The following RBM15 variants were observed in gnomAD, a reference collection of about 807,000 sequenced individuals.
The protein encoded by RBM15 is RNA-binding protein 15.
A neutral mutation model predicts 62.6 loss-of-function variants in RBM15; 8 were observed. That is an observed-to-expected ratio of 0.13 (90% CI 0.07 to 0.23). The LOEUF (loss-of-function observed/expected upper bound fraction) is 0.23. RBM15 is among the 10% of genes least tolerant of loss of function. RBM15 has a pLI of 1.00. For synonymous variants in RBM15, 606 were observed against 505.7 expected, an observed-to-expected ratio of 1.20 and a Z score of -2.66; for missense variants, 1,144 against 1,286.5, an observed-to-expected ratio of 0.89 and a Z score of 1.69.
At position 110,341,766 on chromosome 1, in the gene RBM15, C is replaced by G; in HGVS notation, c.2361C>G (p.Ala787=). 1 of 1,614,208 alleles carries G rather than the reference C, an allele frequency of 6.2e-7. No homozygotes were observed. Among genetic ancestry groups the G allele is most frequent in the Non-Finnish European group, 8.5e-7 (1 of 1,180,042 alleles). The change falls in exon 1 of 3, where the codon GCC becomes GCG. Residue 787 remains alanine, a synonymous_variant. Coordinates refer to ENST00000369784, the MANE Select transcript of RBM15 (RefSeq NM_022768.5). The surrounding 1 kb of genome is among the most constrained non-coding windows in gnomAD (Gnocchi z 4.5). The part of the protein sequence containing the change: ...VASASPKLCL[A]WQGMLLLKNS... Reference sequence around the variant, plus strand: ...CAGCCTCTCCCAAACTCTGTTTGGCCTGGCAGGGCATGCTTCTACTGAAGA... The same window carrying G: ...CAGCCTCTCCCAAACTCTGTTTGGCGTGGCAGGGCATGCTTCTACTGAAGA...
chr1:110,344,902 T>C (rs1278324870), intron 1 of RBM15, among the ~76,000 whole-genome samples: 1 of 152,216 alleles, frequency 6.6e-6, no homozygotes, highest in Non-Finnish European at 1.5e-5. Context: ...TAATGACTAT[T>C]AAGTATTATT....
In RBM15 at chr1:110,339,418, G is replaced by A; in HGVS notation, c.13G>A (p.Gly5Arg). Residue 5 changes from glycine (G) to arginine (R), a missense_variant, in exon 1 of 3, where the codon GGG (glycine) becomes AGG (arginine). Around this residue, in one of 8 missense-constraint regions of RBM15, gnomAD observed 298 missense variants for 250.0 expected, o/e 1.19. Transcript: ENST00000369784. Reference sequence around the variant, plus strand: ...GAGCAATTGGCCAATGAGGACTGCGGGGCGGGACCCTGTGCCGCGGCGGAG... The same window carrying A: ...GAGCAATTGGCCAATGAGGACTGCGAGGCGGGACCCTGTGCCGCGGCGGAG... MRTA[G>R]RDPVPRRSPR... The A allele has an allele frequency of 1.2e-5, 18 of 1,524,924 alleles. No individual in the cohort carries two copies. Among genetic ancestry groups the A allele is most frequent in the Non-Finnish European group, 1.3e-5 (15 of 1,135,214 alleles). 94.5% of individuals were successfully genotyped at this position (1,524,924 alleles called of 1,614,324 possible).
Position 110,342,192 on chromosome 1 carries a change from C to T in RBM15, c.2787C>T (p.Ser929=), listed in dbSNP as rs1393129574. 3 of 1,613,706 alleles carry T rather than the reference C, an allele frequency of 1.9e-6. No homozygotes were observed. The highest frequency in any genetic ancestry group is 2.5e-6 in the Non-Finnish European group (3 of 1,179,768). The change falls in exon 1 of 3, where the codon TCC becomes TCT. Residue 929 remains serine, a synonymous_variant. Coordinates refer to ENST00000369784, the MANE Select transcript of RBM15 (RefSeq NM_022768.5). ...ATGCCTTCCCACCTTGTGAGTTCTC[C>T]CAGCAGTTCCTGGATTCCCCTGCCA... is the stretch of plus-strand genomic sequence containing the variant. The part of the protein sequence containing the change: ...VLHAFPPCEF[S]QQFLDSPAKA...
chr1:110,341,381 G>A lies in RBM15; in HGVS notation c.1976G>A (p.Ser659Asn). The A allele has an allele frequency of 1.2e-6, 2 of 1,614,122 alleles. No individual in the cohort carries two copies. The highest frequency in any genetic ancestry group is 1.6e-4 in the Middle Eastern group (1 of 6,062). The change falls in exon 1 of 3, where the codon AGT (serine) becomes AAT (asparagine). Residue 659 changes from serine (S) to asparagine (N), a missense_variant. Ser to Asn is a conservative substitution (Grantham distance 46). Around this residue, in one of 8 missense-constraint regions of RBM15, gnomAD observed 360 missense variants for 342.9 expected, o/e 1.05. Coordinates refer to ENST00000369784, the MANE Select transcript of RBM15 (RefSeq NM_022768.5). The surrounding 1 kb of genome is among the most constrained non-coding windows in gnomAD (Gnocchi z 4.5). ...CGTCATCTGGATAGGTCTCCTGAGA[G>A]TGACCGCCCACGAAAACGTCACTGC... ...GGRHLDRSPE[S>N]DRPRKRHCAP...
At position 110,341,137 on chromosome 1, in the gene RBM15, A is replaced by G; in HGVS notation, c.1732A>G (p.Arg578Gly). The change falls in exon 1 of 3, where the codon AGG (arginine) becomes GGG (glycine). Residue 578 changes from arginine to glycine, a missense_variant. Physicochemically the swap from Arg to Gly is moderately radical, Grantham distance 125. Transcript: ENST00000369784. This position sits in a 1 kb window ranked among gnomAD's most constrained non-coding sequence, Gnocchi z 4.5. ...ACCCTTACTATACAGAGATCGTGAT[A>G]GGGACCTTTATCCTGACTCTGATTG... ...TPPLLYRDRD[R>G]DLYPDSDWVP... 6.2e-7 allele frequency: 1 copy of G among 1,614,092 alleles called. No individual in the cohort carries two copies. The highest frequency in any genetic ancestry group is 8.5e-7 in the Non-Finnish European group (1 of 1,179,964).
Position 110,341,296 on chromosome 1 carries a change from G to T in RBM15, c.1891G>T (p.Asp631Tyr), listed in dbSNP as rs757568755. ...CTTGGACCGGGACAGAGGTGATCGA[G>T]ATCTGCCCAGCAGCAGAGACCAGCC... ...WSLDRDRGDR[D>Y]LPSSRDQPRK... The change falls in exon 1 of 3, where the codon GAT (aspartate) becomes TAT (tyrosine). Residue 631 changes from aspartate (D) to tyrosine (Y), a missense_variant. Asp to Tyr is a radical substitution (Grantham distance 160, BLOSUM62 -3). Transcript: ENST00000369784. The surrounding 1 kb of genome is among the most constrained non-coding windows in gnomAD (Gnocchi z 4.5). The T allele has an allele frequency of 6.2e-7, 1 of 1,614,132 alleles. No homozygotes were observed. Among genetic ancestry groups the T allele is most frequent in the Admixed American group, 1.7e-5 (1 of 60,030 alleles).
intron 1 of RBM15, among the ~76,000 whole-genome samples, chr1:110,344,236 T>C (rs1570613260): frequency 6.6e-6 from 1 of 152,210 alleles, no homozygotes; most frequent in Non-Finnish European, 1.5e-5. Flanking sequence ...TGTGGCCAGC[T>C]ACATTTTTCC....
rs755314262 is a variant in RBM15, at chr1:110,342,133, G to A, written c.2728G>A (p.Gly910Ser). The A allele has an allele frequency of 1.2e-6, 2 of 1,614,088 alleles. No homozygotes were observed. The highest frequency in any genetic ancestry group is 1.7e-6 in the Non-Finnish European group (2 of 1,179,972). ...AAGVISLPVG[G>S]NKDKENTGVL... ...CGGGGTGATCAGCCTCCCTGTGGGGGGCAACAAAGACAAGGAAAACACCGG... is the reference window on the plus strand; with the variant it reads ...CGGGGTGATCAGCCTCCCTGTGGGGAGCAACAAAGACAAGGAAAACACCGG... Residue 910 changes from glycine (G) to serine (S), a missense_variant, in exon 1 of 3, where the codon GGC becomes AGC. Transcript: ENST00000369784.
At chr1:110,344,453 G>A (rs3768460) in intron 1 of RBM15, among the ~76,000 whole-genome samples, 83,839 of 151,792 alleles carry the variant, frequency 0.55, 23,149 homozygotes, top group Admixed American at 0.6. Flanking sequence ...GAAGAGTACT[G>A]TGTTTTTGCT....
Position 110,341,899 on chromosome 1 carries a change from A to G in RBM15, c.2494A>G (p.Thr832Ala). The change falls in exon 1 of 3, where the codon ACT becomes GCT. Residue 832 changes from threonine (T) to alanine (A), a missense_variant. Around this residue, in one of 8 missense-constraint regions of RBM15, gnomAD observed 144 missense variants for 223.3 expected, o/e 0.64. Coordinates refer to ENST00000369784, the MANE Select transcript of RBM15 (RefSeq NM_022768.5). The surrounding 1 kb of genome is among the most constrained non-coding windows in gnomAD (Gnocchi z 4.5). ...TGGKVAQLKI[T>A]QRLRLDQPKL... ...AGGCAAAGTGGCCCAGCTCAAGATC[A>G]CTCAGCGTCTCCGTTTGGACCAGCC... 2 of 1,614,168 alleles carry G rather than the reference A, an allele frequency of 1.2e-6. No individual in the cohort carries two copies. The highest frequency in any genetic ancestry group is 8.5e-7 in the Non-Finnish European group (1 of 1,180,036).
At position 110,340,518 on chromosome 1, in the gene RBM15, A is replaced by G. The variant is rs774927738; in HGVS notation, c.1113A>G (p.Arg371=). 1 of 1,613,992 alleles carries G rather than the reference A, an allele frequency of 6.2e-7. No individual in the cohort carries two copies. Among genetic ancestry groups the G allele is most frequent in the East Asian group, 2.2e-5 (1 of 44,858 alleles). ...AGATTTCACCCGAGGATGATCAGCG[A>G]GCTAACCGGACGCTCTTCTTGGGCA... is the stretch of plus-strand genomic sequence containing the variant. ...VDEISPEDDQ[R]ANRTLFLGNL... The change falls in exon 1 of 3, where the codon CGA becomes CGG. Residue 371 remains arginine, a synonymous_variant. Transcript: ENST00000369784. The surrounding 1 kb of genome is among the most constrained non-coding windows in gnomAD (Gnocchi z 5.8).
intron 1 of RBM15, among the ~76,000 whole-genome samples, chr1:110,343,763 A>G (rs768295990): frequency 1.6e-4 from 25 of 152,152 alleles, no homozygotes; most frequent in African/African-American, 5.6e-4. Flanking sequence ...TTTCTGTTCT[A>G]TGAAAGTGAC....
In RBM15 at chr1:110,340,656, C is replaced by G; in HGVS notation, c.1251C>G (p.Gly417=). 6.2e-7 allele frequency: 1 copy of G among 1,614,214 alleles called. No homozygotes were observed. The highest frequency in any genetic ancestry group is 1.1e-5 in the South Asian group (1 of 91,088). Reference sequence around the variant, plus strand: ...CTCGCGGCCAGACTAGTACTTACGGCTTTCTCAAATTTGAGAACTTAGATA... The same window carrying G: ...CTCGCGGCCAGACTAGTACTTACGGGTTTCTCAAATTTGAGAACTTAGATA... ...RPSRGQTSTY[G]FLKFENLDMS... Residue 417 remains glycine, a synonymous_variant, in exon 1 of 3, where the codon GGC becomes GGG. Transcript: ENST00000369784. The surrounding 1 kb of genome is among the most constrained non-coding windows in gnomAD (Gnocchi z 5.8).
In RBM15 at chr1:110,342,222, A is replaced by G. The variant is rs1457085163; in HGVS notation, c.2817A>G (p.Ala939=). Residue 939 remains alanine, a synonymous_variant, in exon 1 of 3, where the codon GCA becomes GCG. Transcript: ENST00000369784. The part of the protein sequence containing the change: ...SQQFLDSPAK[A]LAKSEEDYLV... Reference sequence around the variant, plus strand: ...AGTTCCTGGATTCCCCTGCCAAGGCACTGGCCAAATCTGAAGAAGATTACC... The same window carrying G: ...AGTTCCTGGATTCCCCTGCCAAGGCGCTGGCCAAATCTGAAGAAGATTACC... 1 of 1,610,438 alleles carries G rather than the reference A, an allele frequency of 6.2e-7. No individual in the cohort carries two copies. Among genetic ancestry groups the G allele is most frequent in the Non-Finnish European group, 8.5e-7 (1 of 1,178,034 alleles).
chr1:110,341,279 G>C lies in RBM15; in HGVS notation c.1874G>C (p.Arg625Pro), dbSNP rs776343915. 6 of 1,614,116 alleles carry C rather than the reference G, an allele frequency of 3.7e-6. No homozygotes were observed. Among genetic ancestry groups the C allele is most frequent in the Non-Finnish European group, 5.1e-6 (6 of 1,180,022 alleles). ...DRRRDGWSLDRDRGDRDLPSS... is the reference protein window; with the variant it reads ...DRRRDGWSLDPDRGDRDLPSS... ...AGGCGGGATGGTTGGTCCTTGGACC[G>C]GGACAGAGGTGATCGAGATCTGCCC... Residue 625 changes from arginine to proline, a missense_variant, in exon 1 of 3, where the codon CGG (arginine) becomes CCG (proline). Around this residue, in one of 8 missense-constraint regions of RBM15, gnomAD observed 360 missense variants for 342.9 expected, o/e 1.05. Coordinates refer to ENST00000369784, the MANE Select transcript of RBM15 (RefSeq NM_022768.5). The surrounding 1 kb of genome is among the most constrained non-coding windows in gnomAD (Gnocchi z 4.5).
chr1:110,341,324 G>C lies in RBM15; in HGVS notation c.1919G>C (p.Arg640Thr). 3.1e-6 allele frequency: 5 copies of C among 1,614,104 alleles called. No homozygotes were observed. Among genetic ancestry groups the C allele is most frequent in the Non-Finnish European group, 4.2e-6 (5 of 1,180,010 alleles). The change falls in exon 1 of 3, where the codon AGG becomes ACG. Residue 640 changes from arginine (R) to threonine (T), a missense_variant. Physicochemically the swap from Arg to Thr is moderately conservative, Grantham distance 71. This residue lies in a region of RBM15 where 360 missense variants were observed against 342.9 expected (regional missense o/e 1.05). Coordinates refer to ENST00000369784, the MANE Select transcript of RBM15 (RefSeq NM_022768.5). The surrounding 1 kb of genome is among the most constrained non-coding windows in gnomAD (Gnocchi z 4.5). ...CTGCCCAGCAGCAGAGACCAGCCTA[G>C]GAAGCGAAGGCTGCCTGAGGAGAGT... ...RDLPSSRDQP[R>T]KRRLPEESGG... is the part of the protein sequence containing the mutation.
At position 110,341,321 on chromosome 1, in the gene RBM15, C is replaced by G; in HGVS notation, c.1916C>G (p.Pro639Arg). Residue 639 changes from proline (P) to arginine (R), a missense_variant, in exon 1 of 3, where the codon CCT becomes CGT. Pro to Arg is a moderately radical substitution (Grantham distance 103). Transcript: ENST00000369784. This position sits in a 1 kb window ranked among gnomAD's most constrained non-coding sequence, Gnocchi z 4.5. ...DRDLPSSRDQ[P>R]RKRRLPEESG... ...GATCTGCCCAGCAGCAGAGACCAGCCTAGGAAGCGAAGGCTGCCTGAGGAG... is the reference window on the plus strand; with the variant it reads ...GATCTGCCCAGCAGCAGAGACCAGCGTAGGAAGCGAAGGCTGCCTGAGGAG... 1 of 1,614,132 alleles carries G rather than the reference C, an allele frequency of 6.2e-7. No homozygotes were observed. Among genetic ancestry groups the G allele is most frequent in the Non-Finnish European group, 8.5e-7 (1 of 1,180,016 alleles).
In RBM15 at chr1:110,340,999, C is replaced by G; in HGVS notation, c.1594C>G (p.Arg532Gly). Residue 532 changes from arginine to glycine, a missense_variant, in exon 1 of 3, where the codon CGT (arginine) becomes GGT (glycine). This residue lies in a region of RBM15 where 360 missense variants were observed against 342.9 expected (regional missense o/e 1.05). Coordinates refer to ENST00000369784, the MANE Select transcript of RBM15 (RefSeq NM_022768.5). The surrounding 1 kb of genome is among the most constrained non-coding windows in gnomAD (Gnocchi z 5.8). ...AGTAGACTTTGCCGACACCGAACAT[C>G]GTTACCAGCAGCAGTATCTGCAGCC... ...LRVDFADTEH[R>G]YQQQYLQPLP... 1.2e-6 allele frequency: 2 copies of G among 1,614,188 alleles called. No individual in the cohort carries two copies. Among genetic ancestry groups the G allele is most frequent in the Non-Finnish European group, 1.7e-6 (2 of 1,180,010 alleles).
At chr1:110,344,834 A>G (rs561127180) in intron 1 of RBM15, among the ~76,000 whole-genome samples, 1 of 152,130 alleles carries the variant, frequency 6.6e-6, no homozygotes, top group African/African-American at 2.4e-5. Flanking sequence ...ATTTTAATGT[A>G]GTTGATTTTT....
Sources: allele counts gnomAD v4.1 joint callset (sites outside exome capture counted in the v4.1 genomes callset), GRCh38; gene constraint gnomAD v4.1.1; regional missense constraint gnomAD v4.1.1; non-coding constraint Gnocchi (gnomAD v3.1); transcripts MANE v1.5; gene names NCBI Gene and HGNC (gene_info 2026-07-23, HGNC 2026-07-21).